TUT7: variants seen among roughly 807,000 people sequenced by gnomAD.
TUT7 encodes terminal uridylyl transferase 7.
In TUT7, 33 loss-of-function variants were observed where a neutral mutation model predicts 165.9. The ratio of observed to expected loss-of-function variants is 0.20; its 90% CI spans 0.15 to 0.27. TUT7 has a LOEUF of 0.27. TUT7 is among the 10% of genes least tolerant of loss of function. The probability of loss-of-function intolerance (pLI) is 1.00; values close to 1 mark genes in which losing one functional copy is unlikely to be tolerated. For missense variants in TUT7, 1,338 were observed against 1,762.3 expected, an observed-to-expected ratio of 0.76 and a Z score of 4.31; for synonymous variants, 552 against 608.1, an observed-to-expected ratio of 0.91 and a Z score of 1.36.
chr9:86,353,685 AGGAG>A (rs1832496707), intron 1 of TUT7, among the ~76,000 whole-genome samples: 1 of 152,200 alleles, frequency 6.6e-6, no homozygotes, highest in Admixed American at 6.5e-5. Flanking sequence ...TTTACGTGAA[AGGAG>A]TACTACATTT....
intron 2 of TUT7, among the ~76,000 whole-genome samples, chr9:86,348,404 C>T (rs1197786405): frequency 2.0e-5 from 3 of 152,180 alleles, no homozygotes; most frequent in East Asian, 1.9e-4. Flanking sequence ...AAGAGAATAA[C>T]TTCTCCAAGA....
At position 86,346,279 on chromosome 9, in the gene TUT7, T is replaced by C. The variant is rs373768916; in HGVS notation, c.702+20A>G. ...TAAAACCAGGATTCTAACCAACAAA[T>C]ATATATATAAGGATGTTACCCTTTT... is the stretch of plus-strand genomic sequence containing the variant. On this transcript the variant is annotated intron_variant, in intron 3 of 26. Coordinates refer to ENST00000375963, the MANE Select transcript of TUT7 (RefSeq NM_024617.4). The C allele has an allele frequency of 3.8e-5, 60 of 1,584,088 alleles. No individual in the cohort carries two copies. The highest frequency in any genetic ancestry group is 4.7e-5 in the Non-Finnish European group (55 of 1,162,342).
In TUT7 at chr9:86,304,853, T is replaced by TA; in HGVS notation, c.3978+2dup. 1 of 1,596,454 alleles carries TA rather than the reference T, an allele frequency of 6.3e-7. No individual in the cohort carries two copies. Among genetic ancestry groups the TA allele is most frequent in the Non-Finnish European group, 8.5e-7 (1 of 1,169,978 alleles). ...TATTTTTTGGTATTTCCAACACACT[T>TA]ACCATTTTTGAGGGGTAGTCCTTTG... On this transcript the variant is annotated splice_region_variant and intron_variant, in intron 24 of 26. Transcript: ENST00000375963.
intron 26 of TUT7, 93 bp from the exon 27 acceptor site, chr9:86,288,837 A>ATAAT (rs1398398470): frequency 1.2e-5 from 11 of 923,456 alleles, no homozygotes; most frequent in Non-Finnish European, 1.5e-5. Flanking sequence ...AAGTAGTCAC[A>ATAAT]AAAACTTCAT....
In TUT7 at chr9:86,345,000, T is replaced by C; in HGVS notation, c.974A>G (p.Asn325Ser). The change falls in exon 5 of 27, where the codon AAT (asparagine) becomes AGT (serine). Residue 325 changes from asparagine to serine, a missense_variant. Coordinates refer to ENST00000375963, the MANE Select transcript of TUT7 (RefSeq NM_024617.4). ...QRLEIKRIME[N>S]VFQHKLPDCS... is the part of the protein sequence containing the mutation. ...ACCTGGTAACTTGTGTTGGAACACA[T>C]TTTCCATGATACGTTTAATTTCCAG... 6.2e-7 allele frequency: 1 copy of C among 1,612,490 alleles called. No individual in the cohort carries two copies. Among genetic ancestry groups the C allele is most frequent in the Non-Finnish European group, 8.5e-7 (1 of 1,179,374 alleles).
intron 24 of TUT7, among the ~76,000 whole-genome samples, chr9:86,303,619 A>T (rs1827158724): frequency 6.6e-6 from 1 of 152,248 alleles, no homozygotes; most frequent in African/African-American, 2.4e-5. Context: ...AAAAGAAAAA[A>T]AACTATGTGT....
chr9:86,323,342 A>G lies in TUT7; in HGVS notation c.2408T>C (p.Leu803Pro), dbSNP rs1380804842. 1.9e-6 allele frequency: 3 copies of G among 1,614,000 alleles called. No homozygotes were observed. The African/African-American group carries it at 4.0e-5, about 22-fold the overall frequency. The change falls in exon 13 of 27, where the codon CTT (leucine) becomes CCT (proline). Residue 803 changes from leucine (L) to proline (P), a missense_variant. Physicochemically the swap from Leu to Pro is moderately conservative, Grantham distance 98. Coordinates refer to ENST00000375963, the MANE Select transcript of TUT7 (RefSeq NM_024617.4). ...ATCAGCCTTGTTATCTAAAGTGGCAAGTCCCTCACACTCTTTAGCTGTGGG... is the reference window on the plus strand; with the variant it reads ...ATCAGCCTTGTTATCTAAAGTGGCAGGTCCCTCACACTCTTTAGCTGTGGG... Reference protein sequence around the residue: ...QNPTAKECEGLATLDNKADLD... With the variant: ...QNPTAKECEGPATLDNKADLD...
intron 12 of TUT7, chr9:86,324,341 C>A (rs1433386020): frequency 6.3e-6 from 1 of 158,708 alleles, no homozygotes; most frequent in East Asian, 1.9e-4. Flanking sequence ...TCAGCCAGGC[C>A]CTGTGGTTTA....
At chr9:86,346,675 G>A (rs1382729962) in intron 2 of TUT7, among the ~76,000 whole-genome samples, 195 bp from the exon 3 acceptor site, 3 of 152,156 alleles carry the variant, frequency 2.0e-5, no homozygotes, top group African/African-American at 4.8e-5. Context: ...TAGACATTAA[G>A]CCATAGAAAT....
intron 26 of TUT7, among the ~76,000 whole-genome samples, chr9:86,298,153 TTTG>T (rs772902049): frequency 5.9e-5 from 9 of 152,106 alleles, no homozygotes; most frequent in Non-Finnish European, 1.3e-4. Context: ...CTTTTCTTGT[TTTG>T]TTATTTCTTC....
intron 10 of TUT7, among the ~76,000 whole-genome samples, chr9:86,334,643 G>A (rs555351615): frequency 4.7e-4 from 72 of 152,230 alleles, no homozygotes; most frequent in African/African-American, 1.4e-3. Context: ...TTGTGAGGAT[G>A]AGAGTGACGA....
At chr9:86,315,302 A>C (rs1828598879) in intron 17 of TUT7, among the ~76,000 whole-genome samples, 1 of 152,232 alleles carries the variant, frequency 6.6e-6, no homozygotes, top group Admixed American at 6.5e-5. Flanking sequence ...TGTGTGCCTA[A>C]GTCATTTCTA....
rs1257941342 is a variant in TUT7, at chr9:86,339,481, G to A, written c.1209-532C>T. 3.3e-5 allele frequency among the ~76,000 whole-genome samples: 5 copies of A among 152,266 alleles called. No homozygotes were observed. In the East Asian group the frequency reaches 9.7e-4, roughly 29 times the overall value. On this transcript the variant is annotated intron_variant, in intron 8 of 26. Transcript: ENST00000375963. The stretch of plus-strand genomic sequence containing the variant: ...TGCAATGAGCCAAGATTGCGCCACT[G>A]CACTCCAGCCTGGGCAACAGAGCGA...
At chr9:86,345,971 C>T (rs1479700756) in intron 3 of TUT7, among the ~76,000 whole-genome samples, 186 bp from the exon 4 acceptor site, 1 of 152,114 alleles carries the variant, frequency 6.6e-6, no homozygotes, top group Non-Finnish European at 1.5e-5. Context: ...ACTACAGCCC[C>T]AAACTCCTGA....
At chr9:86,349,228 G>A (rs1472279966) in intron 2 of TUT7, among the ~76,000 whole-genome samples, 3 of 150,934 alleles carry the variant, frequency 2.0e-5, no homozygotes, top group Admixed American at 1.3e-4. Flanking sequence ...GCAGTGAACC[G>A]AGATCATGCC....
intron 8 of TUT7, 42 bp downstream of exon 8, chr9:86,339,994 C>G (rs756875985): frequency 6.6e-7 from 1 of 1,513,144 alleles, no homozygotes; most frequent in African/African-American, 1.4e-5. Flanking sequence ...GTGCTTTTGG[C>G]AAGTTGAGAG....
chr9:86,349,393 A>G (rs1343229387), intron 2 of TUT7, among the ~76,000 whole-genome samples: 1 of 152,202 alleles, frequency 6.6e-6, no homozygotes, highest in African/African-American at 2.4e-5. Flanking sequence ...CAAGTTTCCC[A>G]TATTTTATTT....
intron 2 of TUT7, among the ~76,000 whole-genome samples, chr9:86,349,816 T>C (rs1392215732): frequency 6.6e-6 from 1 of 152,224 alleles, no homozygotes; most frequent in Admixed American, 6.5e-5. Flanking sequence ...TGTGAAAGCA[T>C]ATACCTGTAT....
Position 86,330,052 on chromosome 9 carries a change from T to C in TUT7, c.1456-1560A>G, listed in dbSNP as rs376243842. 1.2e-4 allele frequency among the ~76,000 whole-genome samples: 18 copies of C among 152,292 alleles called. No homozygotes were observed. In the East Asian group the frequency reaches 3.5e-3, roughly 29 times the overall value. On this transcript the variant is annotated intron_variant, in intron 10 of 26. Coordinates refer to ENST00000375963, the MANE Select transcript of TUT7 (RefSeq NM_024617.4). Reference sequence around the variant, plus strand: ...ATTCGAGGGCAAGAATTGTGTTTTGTTCACTTCTTTTTTTTTCTTTTCTGA... The same window carrying C: ...ATTCGAGGGCAAGAATTGTGTTTTGCTCACTTCTTTTTTTTTCTTTTCTGA...
Sources: allele counts gnomAD v4.1 joint callset (sites outside exome capture counted in the v4.1 genomes callset), GRCh38; gene constraint gnomAD v4.1.1; transcripts MANE v1.5; gene names NCBI Gene and HGNC (gene_info 2026-07-23, HGNC 2026-07-21).